Variants in NME7 observed in about 807,000 individuals in gnomAD.
The protein encoded by NME7 is nucleoside diphosphate kinase 7.
A neutral mutation model predicts 49.1 loss-of-function variants in NME7; 41 were observed. The ratio of observed to expected loss-of-function variants is 0.83; its 90% confidence interval spans 0.65 to 1.08. NME7 has a LOEUF of 1.08. Ranked by LOEUF, NME7 falls within the 50% of genes least tolerant of loss-of-function variation. The pLI is 0.00. For synonymous variants in NME7, 139 were observed against 150.6 expected, an observed-to-expected ratio of 0.92 and a Z score of 0.56; for missense variants, 423 against 463.4, an observed-to-expected ratio of 0.91 and a Z score of 0.80.
At chr1:169,362,617 A>C (rs1031901876) in intron 1 of NME7, among the ~76,000 whole-genome samples, 1 of 152,202 alleles carries the variant, frequency 6.6e-6, no homozygotes, top group African/African-American at 2.4e-5. Context: ...GTGGTCAGGA[A>C]GCCTCACCAA....
intron 7 of NME7, among the ~76,000 whole-genome samples, chr1:169,238,879 A>G (rs530111907): frequency 6.6e-6 from 1 of 152,154 alleles, no homozygotes; most frequent in South Asian, 2.1e-4. Context: ...TGTCACATTA[A>G]TGCTATTATG....
At chr1:169,172,389 C>A (rs901330989) in intron 10 of NME7, among the ~76,000 whole-genome samples, 2 of 149,966 alleles carry the variant, frequency 1.3e-5, no homozygotes, top group Admixed American at 1.3e-4. Context: ...TGTTTTCCAG[C>A]ATCACTGGAG....
chr1:169,240,580 A>G (rs1459301658), intron 7 of NME7, among the ~76,000 whole-genome samples: 3 of 152,020 alleles, frequency 2.0e-5, no homozygotes, highest in Non-Finnish European at 1.5e-5. Context: ...GTTACATTAA[A>G]ATCCACTGGT....
intron 10 of NME7, among the ~76,000 whole-genome samples, chr1:169,215,608 A>C (rs994955824): frequency 3.9e-5 from 6 of 152,116 alleles, no homozygotes; most frequent in African/African-American, 1.2e-4. Context: ...CATTTTTTCA[A>C]GGTTGCTAAA....
intron 9 of NME7, among the ~76,000 whole-genome samples, chr1:169,233,065 C>A (rs1405701551): frequency 6.6e-6 from 1 of 151,232 alleles, no homozygotes; most frequent in Non-Finnish European, 1.5e-5. Flanking sequence ...ACTACAGGCA[C>A]CCACCACCAC....
intron 6 of NME7, among the ~76,000 whole-genome samples, chr1:169,295,806 C>T (rs1484147064): frequency 6.6e-6 from 1 of 152,162 alleles, no homozygotes; most frequent in Non-Finnish European, 1.5e-5. Context: ...CACCATTTCA[C>T]ATATTCTTCT....
At chr1:169,309,848 C>A in intron 4 of NME7, 122 bp downstream of exon 4, 1 of 603,726 alleles carries the variant, frequency 1.7e-6, no homozygotes, top group Non-Finnish European at 2.8e-6. Flanking sequence ...GGTTAAGTTA[C>A]TATTCTATTC....
At chr1:169,247,355 T>C (rs1648366908) in intron 7 of NME7, among the ~76,000 whole-genome samples, 1 of 152,168 alleles carries the variant, frequency 6.6e-6, no homozygotes, top group Admixed American at 6.5e-5. Context: ...CTTCCTAATC[T>C]TAAGAGGCCA....
chr1:169,159,564 C>T (rs11802239), intron 11 of NME7, among the ~76,000 whole-genome samples: 7,352 of 152,252 alleles, frequency 0.048, 240 homozygotes, highest in East Asian at 0.13. Flanking sequence ...CTTCCCTTCC[C>T]CAATCTCTAA....
chr1:169,330,320 C>T (rs751908977), intron 1 of NME7, among the ~76,000 whole-genome samples: 75 of 152,146 alleles, frequency 4.9e-4, no homozygotes, highest in Middle Eastern at 3.4e-3. Flanking sequence ...GTAACTGTGG[C>T]GTATAGAGAA....
chr1:169,360,814 A>G (rs1480948266), intron 1 of NME7, among the ~76,000 whole-genome samples: 2 of 152,132 alleles, frequency 1.3e-5, no homozygotes, highest in Admixed American at 6.6e-5. Flanking sequence ...CATAGTACTT[A>G]TCATCATATG....
At chr1:169,232,564 G>C (rs530813236) in intron 9 of NME7, among the ~76,000 whole-genome samples, 49 of 151,626 alleles carry the variant, frequency 3.2e-4, no homozygotes, top group Non-Finnish European at 6.0e-4. Context: ...GTTGGGGGGG[G>C]GGCAGGGGAA....
intron 7 of NME7, among the ~76,000 whole-genome samples, chr1:169,271,005 C>T (rs1288175640): frequency 7.5e-6 from 1 of 133,716 alleles, no homozygotes; most frequent in African/African-American, 2.5e-5. Flanking sequence ...AACACAAGAA[C>T]ATTCACCTTG....
chr1:169,259,396 C>T (rs1318904434), intron 7 of NME7, among the ~76,000 whole-genome samples: 1 of 133,598 alleles, frequency 7.5e-6, no homozygotes, highest in Non-Finnish European at 1.8e-5. Flanking sequence ...AGCATATATG[C>T]TTCATGTCTT....
rs1407644910 is a variant in NME7 at position 169,263,379 on chromosome 1, T to C, written c.754+23924A>G. On this transcript the variant is annotated intron_variant, in intron 7 of 11. Transcript: ENST00000367811. ...AATCACAATAAAACAATACAGGAGA[T>C]GAAAGTCAAAATAGCTCATATAGAA... is the stretch of plus-strand genomic sequence containing the variant. 3.0e-5 allele frequency among the ~76,000 whole-genome samples: 4 copies of C among 133,104 alleles called. 1 individual carries two copies. The South Asian group carries it at 9.2e-4, about 31-fold the overall frequency. 87.3% of individuals were successfully genotyped at this position (133,104 alleles called of 152,430 possible). A position where few individuals can be genotyped will look rare whatever the true frequency, so the allele number is the denominator to read the frequency against.
At chr1:169,254,456 TTTTC>T (rs1181139828) in intron 7 of NME7, among the ~76,000 whole-genome samples, 1 of 151,954 alleles carries the variant, frequency 6.6e-6, no homozygotes, top group Non-Finnish European at 1.5e-5. Flanking sequence ...TTCTCTCTTT[TTTTC>T]TTTATTAGTC....
intron 1 of NME7, among the ~76,000 whole-genome samples, chr1:169,341,306 G>A (rs749357066): frequency 3.7e-4 from 56 of 152,338 alleles, no homozygotes; most frequent in South Asian, 1.2e-3. Context: ...CTTGGCAGCC[G>A]ACACATGGTG....
At chr1:169,338,477 G>A (rs922407330) in intron 1 of NME7, among the ~76,000 whole-genome samples, 1 of 152,180 alleles carries the variant, frequency 6.6e-6, no homozygotes, top group Admixed American at 6.5e-5. Context: ...TATATAGCAG[G>A]AAGCTGGTCA....
At position 169,204,436 on chromosome 1, in the gene NME7, A is replaced by T. The variant is rs112657601; in HGVS notation, c.990+26282T>A. 6.5e-3 allele frequency among the ~76,000 whole-genome samples: 993 copies of T among 152,078 alleles called. 7 individuals are homozygous for T. The highest frequency in any genetic ancestry group is 0.022 in the African/African-American group (924 of 41,486). On this transcript the variant is annotated intron_variant, in intron 10 of 11. Transcript: ENST00000367811. ...CTCATTATGATGCTAATATCTCTCT[A>T]GCTTTATTGTCTACTATTATACTAT...
Sources: gnomAD v4.1 joint callset for allele counts (sites outside exome capture counted in the v4.1 genomes callset) on GRCh38, gnomAD v4.1.1 for gene constraint, MANE v1.5 for transcripts, NCBI Gene and HGNC (gene_info 2026-07-23, HGNC 2026-07-21) for gene names.